Variants in PAOX observed in about 807,000 individuals in gnomAD.
PAOX encodes polyamine oxidase.
In PAOX, 38 loss-of-function variants were observed where a neutral mutation model predicts 39.0. That is an observed-to-expected ratio of 0.97 (90% CI 0.75 to 1.28). The LOEUF (loss-of-function observed/expected upper bound fraction) is 1.28, where lower values mean the gene tolerates loss of function less well. Among genes scored for constraint, PAOX ranks in the 50% most tolerant of loss-of-function variants. The pLI is 0.00. For missense variants in PAOX, 667 were observed against 685.7 expected (o/e 0.97, Z 0.30); for synonymous variants, 311 against 314.4 (o/e 0.99, Z 0.11).
At chr10:133,379,610 C>T (rs1564809142) in intron 1 of PAOX, 113 bp downstream of exon 1, 3 of 878,840 alleles carry the variant, frequency 3.4e-6, no homozygotes, top group African/African-American at 1.7e-5. Flanking sequence ...CCGGGCTCCC[C>T]GAGGGAATCC....
In PAOX at chr10:133,384,443, T is replaced by C. The variant is rs905030935; in HGVS notation, c.1121+231T>C. On this transcript the variant is annotated intron_variant, in intron 4 of 6. Transcript: ENST00000278060. The surrounding 1 kb of genome is among the most constrained non-coding windows in gnomAD (Gnocchi z 4.3). ...TCAGCGTCCCTCAGGGCCCAGAATGTGTTTGTAGACTTGCAGGCAGGCTCA... is the reference window on the plus strand; with the variant it reads ...TCAGCGTCCCTCAGGGCCCAGAATGCGTTTGTAGACTTGCAGGCAGGCTCA... 2.0e-5 allele frequency among the ~76,000 whole-genome samples: 3 copies of C among 152,156 alleles called. No homozygotes were observed. Among genetic ancestry groups the C allele is most frequent in the African/African-American group, 7.2e-5 (3 of 41,440 alleles).
chr10:133,387,555 A>T (rs1304003143), intron 4 of PAOX, among the ~76,000 whole-genome samples: 1 of 152,230 alleles, frequency 6.6e-6, no homozygotes, highest in African/African-American at 2.4e-5. Flanking sequence ...AAATGTCACC[A>T]AATACCACAC....
intron 4 of PAOX, among the ~76,000 whole-genome samples, chr10:133,385,334 A>G (rs1346970600): frequency 6.6e-6 from 1 of 151,360 alleles, no homozygotes; most frequent in Non-Finnish European, 1.5e-5. Flanking sequence ...CCAGGTGTTG[A>G]GATAGGCCTG....
rs905944613 is a variant in PAOX, at chr10:133,384,864, G to A, written c.1121+652G>A. ...ACCAAGTTCTTGTTCTGAAAGACCC[G>A]GGATGGGGTGGGATGTAGGGCATGC... is the stretch of plus-strand genomic sequence containing the variant. On this transcript the variant is annotated intron_variant, in intron 4 of 6. Coordinates refer to ENST00000278060, the MANE Select transcript of PAOX (RefSeq NM_152911.4). This position sits in a 1 kb window ranked among gnomAD's most constrained non-coding sequence, Gnocchi z 4.3. Among the ~76,000 whole-genome samples, 3 of 152,180 alleles carry A rather than the reference G, an allele frequency of 2.0e-5. No individual in the cohort carries two copies. The highest frequency in any genetic ancestry group is 6.5e-5 in the Admixed American group (1 of 15,292).
intron 3 of PAOX, 25 bp downstream of exon 3, chr10:133,381,684 C>A: frequency 3.1e-6 from 5 of 1,609,732 alleles, no homozygotes; most frequent in Non-Finnish European, 4.2e-6. Context: ...CAGCCCAAAC[C>A]CCCATCCCAA....
At chr10:133,391,235 G>A in intron 6 of PAOX, 77 bp from the exon 7 acceptor site, 1 of 1,442,042 alleles carries the variant, frequency 6.9e-7, no homozygotes, top group South Asian at 1.1e-5. Context: ...ATGCTTGTGA[G>A]CCATTTTCTG....
chr10:133,382,239 C>T (rs1221754523), intron 3 of PAOX, among the ~76,000 whole-genome samples: 4 of 152,130 alleles, frequency 2.6e-5, no homozygotes, highest in African/African-American at 9.7e-5. Context: ...TGTCATTGTC[C>T]CACATATGAC....
chr10:133,389,836 G>C, intron 6 of PAOX, 89 bp downstream of exon 6: 3 of 1,314,248 alleles, frequency 2.3e-6, no homozygotes, highest in Non-Finnish European at 2.9e-6. Context: ...AGCCAGTGGC[G>C]GGTGGGCTGG....
chr10:133,389,596 C>G lies in PAOX; in HGVS notation c.1241C>G (p.Pro414Arg). ...TQVLRRVTGN[P>R]RLPAPKSVLR... ...CAGTGTCTCTGTGGCTCAGGAAACCCACGGCTCCCCGCGCCCAAGAGCGTC... is the reference window on the plus strand; with the variant it reads ...CAGTGTCTCTGTGGCTCAGGAAACCGACGGCTCCCCGCGCCCAAGAGCGTC... The change falls in exon 6 of 7, where the codon CCA becomes CGA. Residue 414 changes from proline to arginine, a missense_variant. Coordinates refer to ENST00000278060, the MANE Select transcript of PAOX (RefSeq NM_152911.4). 8.1e-6 allele frequency: 13 copies of G among 1,613,876 alleles called. No individual in the cohort carries two copies. The highest frequency in any genetic ancestry group is 1.1e-5 in the Non-Finnish European group (13 of 1,180,018).
intron 1 of PAOX, 126 bp from the exon 2 acceptor site, chr10:133,379,873 G>T: frequency 7.8e-7 from 1 of 1,284,430 alleles, no homozygotes; most frequent in Non-Finnish European, 1.0e-6. Context: ...GGGGACCACA[G>T]GGCCCTTGGG....
Position 133,384,358 on chromosome 10 carries a change from C to A in PAOX, c.1121+146C>A. 7.8e-7 allele frequency: 1 copy of A among 1,276,266 alleles called. No individual in the cohort carries two copies. The highest frequency in any genetic ancestry group is 1.1e-6 in the Non-Finnish European group (1 of 929,162). The allele number at this position is 1,276,266 out of a possible 1,614,324, so 79.1% of individuals were successfully genotyped here. On this transcript the variant is annotated intron_variant, in intron 4 of 6. Coordinates refer to ENST00000278060, the MANE Select transcript of PAOX (RefSeq NM_152911.4). The surrounding 1 kb of genome is among the most constrained non-coding windows in gnomAD (Gnocchi z 4.3). ...CCCATGAGCGCCCCCCCACCAGGTG[C>A]TGGCTGCACCTGGGCCTGACCCCTG...
At chr10:133,389,143 G>C in intron 5 of PAOX, 75 bp downstream of exon 5, 1 of 1,274,736 alleles carries the variant, frequency 7.8e-7, no homozygotes, top group Non-Finnish European at 1.1e-6. Flanking sequence ...ACTAGACTTT[G>C]CAGAACAGAG....
rs199804784 is a variant in PAOX, at chr10:133,384,006, G to A, written c.915G>A (p.Pro305=). ...ACACCTTCTTTGACCCTCCCCTGCC[G>A]GCTGAGAAGGCAGAAGCAATCAGGA... The part of the protein sequence containing the change: ...HLDTFFDPPL[P]AEKAEAIRKI... The change falls in exon 4 of 7, where the codon CCG becomes CCA. Residue 305 remains proline, a synonymous_variant. Coordinates refer to ENST00000278060, the MANE Select transcript of PAOX (RefSeq NM_152911.4). This position sits in a 1 kb window ranked among gnomAD's most constrained non-coding sequence, Gnocchi z 4.3. 1.9e-5 allele frequency: 30 copies of A among 1,614,138 alleles called. No individual in the cohort carries two copies. The highest frequency in any genetic ancestry group is 1.2e-4 in the South Asian group (11 of 91,080).
At chr10:133,379,813 C>T in intron 1 of PAOX, 186 bp from the exon 2 acceptor site, 3 of 744,972 alleles carry the variant, frequency 4.0e-6, no homozygotes, top group Non-Finnish European at 6.0e-6. Context: ...GACAAGTGCC[C>T]TCCTGCCCAG....
intron 6 of PAOX, 96 bp downstream of exon 6, chr10:133,389,843 C>A: frequency 7.7e-7 from 1 of 1,297,302 alleles, no homozygotes; most frequent in South Asian, 1.9e-5. Flanking sequence ...GGCGGGTGGG[C>A]TGGGATCCCA....
chr10:133,381,707 C>G (rs372787159), intron 3 of PAOX, 48 bp downstream of exon 3: 1 of 1,591,838 alleles, frequency 6.3e-7, no homozygotes, highest in African/African-American at 1.3e-5. Context: ...GCCCCCGCCT[C>G]TGCCCTTACC....
chr10:133,385,777 G>A (rs1849515173), intron 4 of PAOX, among the ~76,000 whole-genome samples: 1 of 151,954 alleles, frequency 6.6e-6, no homozygotes. Flanking sequence ...TAGAGACAGG[G>A]TTTCACCGTG....
chr10:133,382,098 G>C (rs1343014238), intron 3 of PAOX, among the ~76,000 whole-genome samples: 1 of 152,150 alleles, frequency 6.6e-6, no homozygotes, highest in African/African-American at 2.4e-5. Context: ...TTTTATAAAA[G>C]GTGGAGATGG....
chr10:133,389,652 A>G lies in PAOX; in HGVS notation c.1297A>G (p.Thr433Ala), dbSNP rs748024278. ...LRSRWHSAPY[T>A]RGSYSYVAVG... ...GTCTCGCTGGCACAGCGCCCCGTACACTAGGGGGTCCTACAGCTACGTGGC... is the reference window on the plus strand; with the variant it reads ...GTCTCGCTGGCACAGCGCCCCGTACGCTAGGGGGTCCTACAGCTACGTGGC... The change falls in exon 6 of 7, where the codon ACT becomes GCT. Residue 433 changes from threonine to alanine, a missense_variant. Thr to Ala is a moderately conservative substitution (Grantham distance 58). Coordinates refer to ENST00000278060, the MANE Select transcript of PAOX (RefSeq NM_152911.4). The G allele has an allele frequency of 1.9e-6, 3 of 1,613,212 alleles. No homozygotes were observed. Among genetic ancestry groups the G allele is most frequent in the Admixed American group, 1.7e-5 (1 of 60,006 alleles).
Sources: allele counts gnomAD v4.1 joint callset (sites outside exome capture counted in the v4.1 genomes callset), GRCh38; gene constraint gnomAD v4.1.1; non-coding constraint Gnocchi (gnomAD v3.1); transcripts MANE v1.5; gene names NCBI Gene and HGNC (gene_info 2026-07-23, HGNC 2026-07-21).